The following ARHGAP22 variants were observed in gnomAD, a reference collection of about 807,000 sequenced individuals.
ARHGAP22 encodes the protein Rho GTPase activating protein 22.
In ARHGAP22, 48 loss-of-function variants were observed where a neutral mutation model predicts 59.1. That is an observed-to-expected ratio of 0.81 (90% CI 0.64 to 1.03). The LOEUF is 1.03. Among genes scored for constraint, ARHGAP22 ranks in the 50% least tolerant of loss-of-function variants. The pLI is 0.00. For missense variants in ARHGAP22, 1,015 were observed against 958.7 expected, an observed-to-expected ratio of 1.06 and a Z score of -0.78; for synonymous variants, 445 against 416.4, an observed-to-expected ratio of 1.07 and a Z score of -0.84.
chr10:48,563,187 A>ATTTTTTTTTTTTTTTTTTTTT (rs558735630), intron 2 of ARHGAP22, among the ~76,000 whole-genome samples: 2 of 104,214 alleles, frequency 1.9e-5, no homozygotes, highest in African/African-American at 7.3e-5. Context: ...ATCCAGGATA[A>ATTTTTTTTTTTTTTTTTTTTT]TTTTTTTTTT....
intron 3 of ARHGAP22, among the ~76,000 whole-genome samples, chr10:48,537,995 C>T (rs115394815): frequency 2.5e-3 from 385 of 152,310 alleles, no homozygotes; most frequent in African/African-American, 7.9e-3. Context: ...CAGTGTCACT[C>T]CCAATGCCAC....
chr10:48,455,805 C>T (rs1486241240), intron 5 of ARHGAP22, among the ~76,000 whole-genome samples: 1 of 152,212 alleles, frequency 6.6e-6, no homozygotes, highest in Non-Finnish European at 1.5e-5. Context: ...GGGCTGCTGG[C>T]TCCTTGTTGG....
intron 4 of ARHGAP22, among the ~76,000 whole-genome samples, chr10:48,472,124 T>G (rs2048287580): frequency 6.6e-6 from 1 of 151,872 alleles, no homozygotes; most frequent in Non-Finnish European, 1.5e-5. Context: ...GGAGAATCGC[T>G]TGAACCCGGG....
intron 1 of ARHGAP22, among the ~76,000 whole-genome samples, chr10:48,588,127 G>C (rs1254625506): frequency 6.6e-6 from 1 of 152,214 alleles, no homozygotes; most frequent in African/African-American, 2.4e-5. Context: ...CAAGGCCCAG[G>C]CATCAGGCCT....
intron 3 of ARHGAP22, among the ~76,000 whole-genome samples, chr10:48,531,996 G>A (rs1325411699): frequency 6.6e-6 from 1 of 152,216 alleles, no homozygotes; most frequent in East Asian, 1.9e-4. Flanking sequence ...CTCTGGTAGA[G>A]GGAGCTTGTT....
the ARHGAP22 span, among the ~76,000 whole-genome samples, chr10:48,432,252 T>G: frequency 6.6e-6 from 1 of 152,230 alleles, no homozygotes; most frequent in African/African-American, 2.4e-5. Context: ...AAAAAATAGA[T>G]GTTGTATCTA....
upstream of ARHGAP22, chr10:48,656,264 C>CG (rs2062801882): frequency 4.2e-5 from 1 of 23,836 alleles, no homozygotes; most frequent in African/African-American, 4.4e-4. Flanking sequence ...CTCGGCGCCT[C>CG]TGGGGGGGGG....
the ARHGAP22 span, chr10:48,438,565 A>G: frequency 2.0e-5 from 3 of 152,330 alleles, no homozygotes; most frequent in South Asian, 2.1e-4. Flanking sequence ...TTACCTGTGG[A>G]TTAATTTTGC....
rs112195219 is a variant in ARHGAP22, at chr10:48,511,470, C to T, written c.323-31706G>A. 8.4e-3 allele frequency: 1,276 copies of T among 152,402 alleles called. 8 individuals carry two copies. Among genetic ancestry groups the T allele is most frequent in the Admixed American group, 0.014 (219 of 15,306 alleles). 9.4% of individuals were successfully genotyped at this position (152,402 alleles called of 1,614,324 possible). A position where few individuals can be genotyped will look rare whatever the true frequency, so the allele number is the denominator to read the frequency against. ...CATGTGCCCCAGAGGGTGATGCAGG[C>T]CTCTCTCCATCCGACTCTCCCTATT... On this transcript the variant is annotated intron_variant, in intron 3 of 9. Coordinates refer to ENST00000249601, the MANE Select transcript of ARHGAP22 (RefSeq NM_021226.4).
chr10:48,430,981 G>A, the ARHGAP22 span: 1 of 579,078 alleles, frequency 1.7e-6, no homozygotes, highest in East Asian at 3.0e-5. Flanking sequence ...GGAAAGATTA[G>A]TACTTCCTTT....
At chr10:48,644,730 A>C (rs1185189607) in intron 1 of ARHGAP22, among the ~76,000 whole-genome samples, 2 of 152,200 alleles carry the variant, frequency 1.3e-5, no homozygotes, top group African/African-American at 4.8e-5. Context: ...GAATGGAATG[A>C]AAATGAAAAA....
At chr10:48,596,786 G>T (rs1380743853) in intron 1 of ARHGAP22, among the ~76,000 whole-genome samples, 1 of 152,180 alleles carries the variant, frequency 6.6e-6, no homozygotes, top group Non-Finnish European at 1.5e-5. Context: ...CCTTTACAGG[G>T]TGTAGACAGT....
chr10:48,493,749 C>T (rs146701122), intron 3 of ARHGAP22: 35 of 1,042,442 alleles, frequency 3.4e-5, no homozygotes, highest in Middle Eastern at 6.6e-4. Context: ...AGTGGGAGGT[C>T]GGCGTGGTTG....
intron 1 of ARHGAP22, among the ~76,000 whole-genome samples, chr10:48,584,460 C>G (rs1199740673): frequency 6.6e-6 from 1 of 152,230 alleles, no homozygotes; most frequent in Non-Finnish European, 1.5e-5. Flanking sequence ...CAAATAGTCA[C>G]TCCCTCCCCT....
At chr10:48,486,062 G>C (rs1186238105) in intron 3 of ARHGAP22, among the ~76,000 whole-genome samples, 6 of 151,576 alleles carry the variant, frequency 4.0e-5, no homozygotes, top group Non-Finnish European at 5.9e-5. Context: ...TGTTTTTAAT[G>C]ACTTCATTCT....
intron 5 of ARHGAP22, among the ~76,000 whole-genome samples, chr10:48,459,376 G>C (rs1463139287): frequency 1.3e-5 from 2 of 152,180 alleles, no homozygotes; most frequent in Non-Finnish European, 2.9e-5. Context: ...ATGCAGCTGC[G>C]CCTGGTCAGT....
At chr10:48,652,740 CA>C (rs1361499746), upstream of ARHGAP22, 1 of 160,644 alleles carries the variant, frequency 6.2e-6, no homozygotes, top group Non-Finnish European at 1.4e-5. Flanking sequence ...GAAATAAGTA[CA>C]AACAACACTG....
chr10:48,582,457 A>G (rs2059174648), intron 2 of ARHGAP22, among the ~76,000 whole-genome samples: 1 of 152,194 alleles, frequency 6.6e-6, no homozygotes, highest in African/African-American at 2.4e-5. Flanking sequence ...ACTTAGTGCA[A>G]TTTGGATGAA....
At chr10:48,556,261 TCA>T (rs911193245) in intron 2 of ARHGAP22, among the ~76,000 whole-genome samples, 2 of 151,118 alleles carry the variant, frequency 1.3e-5, no homozygotes, top group Non-Finnish European at 3.0e-5. Context: ...TCTCTGAACC[TCA>T]GTTTCCACAT....
Sources: allele counts gnomAD v4.1 joint callset (sites outside exome capture counted in the v4.1 genomes callset), GRCh38; gene constraint gnomAD v4.1.1; transcripts MANE v1.5; gene names NCBI Gene and HGNC (gene_info 2026-07-23, HGNC 2026-07-21).